The following PID1 variants were observed in gnomAD, a reference collection of about 807,000 sequenced individuals.
PID1 encodes the protein phosphotyrosine interaction domain containing 1.
Under a neutral mutation model 19.1 loss-of-function variants are expected in PID1, and 10 were observed. That is an observed-to-expected ratio of 0.52 (90% CI 0.32 to 0.89). The LOEUF (loss-of-function observed/expected upper bound fraction) is 0.89. Among genes scored for constraint, PID1 ranks in the 40% least tolerant of loss-of-function variants. The probability of loss-of-function intolerance (pLI) is 0.03; values close to 1 mark genes in which losing one functional copy is unlikely to be tolerated. For missense variants in PID1, 248 were observed against 285.3 expected, an observed-to-expected ratio of 0.87 and a Z score of 0.94; for synonymous variants, 130 against 116.0, an observed-to-expected ratio of 1.12 and a Z score of -0.78.
chr2:229,078,359 T>C (rs911100996), intron 2 of PID1, among the ~76,000 whole-genome samples: 8 of 152,216 alleles, frequency 5.3e-5, no homozygotes, highest in Admixed American at 2.6e-4. Flanking sequence ...ATAATGTGAC[T>C]TCTTCTCTTC....
intron 2 of PID1, among the ~76,000 whole-genome samples, chr2:229,126,848 C>T (rs1042927395): frequency 5.3e-5 from 8 of 152,228 alleles, no homozygotes; most frequent in African/African-American, 1.9e-4. Context: ...TTCTTTCACA[C>T]TTACCTCAAC....
intron 1 of PID1, among the ~76,000 whole-genome samples, chr2:229,174,325 C>T (rs1362256): frequency 0.36 from 54,116 of 151,896 alleles, 11,063 homozygotes; most frequent in Admixed American, 0.54. Context: ...GGACATTCCA[C>T]GGGTAGATGA....
intron 2 of PID1, among the ~76,000 whole-genome samples, chr2:229,046,379 T>TGTGTGTGTGTGC (rs1352720954): frequency 4.9e-5 from 7 of 144,168 alleles, no homozygotes; most frequent in African/African-American, 1.8e-4. Context: ...TGTGTGTGTG[T>TGTGTGTGTGTGC]GCGTGTGTGT....
chr2:229,234,648 G>A (rs1249500360), intron 1 of PID1, among the ~76,000 whole-genome samples: 1 of 152,158 alleles, frequency 6.6e-6, no homozygotes, highest in Non-Finnish European at 1.5e-5. Flanking sequence ...AGCAGTAAGG[G>A]AAACTAATGT....
chr2:229,043,010 T>TA (rs11452672), intron 2 of PID1, among the ~76,000 whole-genome samples: 1 of 47,836 alleles, frequency 2.1e-5, no homozygotes, highest in East Asian at 1.3e-3. Context: ...AAGGGAGAAA[T>TA]TTTTTTTTTT....
At chr2:229,161,928 T>C (rs1168078994) in intron 1 of PID1, among the ~76,000 whole-genome samples, 1 of 152,230 alleles carries the variant, frequency 6.6e-6, no homozygotes, top group Non-Finnish European at 1.5e-5. Flanking sequence ...GTACTTTGCA[T>C]GCACAGGCAA....
chr2:229,165,987 ACAG>A (rs2106205271), intron 1 of PID1, among the ~76,000 whole-genome samples: 1 of 152,344 alleles, frequency 6.6e-6, no homozygotes, highest in Admixed American at 6.5e-5. Context: ...ATTAGCAATG[ACAG>A]CAGATGTCCT....
At chr2:229,229,555 G>A (rs573828201) in intron 1 of PID1, among the ~76,000 whole-genome samples, 174 of 152,302 alleles carry the variant, frequency 1.1e-3, no homozygotes, top group Non-Finnish European at 1.8e-3. Context: ...AGGATCGCCT[G>A]AGCCCAGGAA....
At chr2:229,159,281 G>C (rs1354597862) in intron 1 of PID1, among the ~76,000 whole-genome samples, 1 of 152,266 alleles carries the variant, frequency 6.6e-6, no homozygotes, top group African/African-American at 2.4e-5. Context: ...TGGCCTCTCT[G>C]GTGGTCCATT....
At chr2:229,037,658 C>T (rs1372470455) in intron 2 of PID1, among the ~76,000 whole-genome samples, 1 of 152,180 alleles carries the variant, frequency 6.6e-6, no homozygotes, top group Non-Finnish European at 1.5e-5. Flanking sequence ...CATTGAAATA[C>T]ACATCCCCTC....
intron 1 of PID1, among the ~76,000 whole-genome samples, chr2:229,266,843 T>C (rs557226554): frequency 1.6e-4 from 25 of 152,372 alleles, no homozygotes; most frequent in Non-Finnish European, 3.4e-4. Context: ...GTTACTAGTA[T>C]CTTCCCATTC....
At chr2:229,076,458 C>T (rs371046217) in intron 2 of PID1, among the ~76,000 whole-genome samples, 6 of 152,014 alleles carry the variant, frequency 3.9e-5, no homozygotes, top group African/African-American at 1.4e-4. Flanking sequence ...TTTTGTTACA[C>T]AGGTATACAT....
At chr2:229,166,188 T>TGTG (rs2106205422) in intron 1 of PID1, among the ~76,000 whole-genome samples, 1 of 152,282 alleles carries the variant, frequency 6.6e-6, no homozygotes, top group South Asian at 2.1e-4. Flanking sequence ...ATAAAACAAT[T>TGTG]ATCCTGAGAA....
intron 1 of PID1, among the ~76,000 whole-genome samples, chr2:229,238,771 A>G (rs888328220): frequency 6.6e-6 from 1 of 152,098 alleles, no homozygotes; most frequent in Non-Finnish European, 1.5e-5. Flanking sequence ...CTCAGAGAGC[A>G]TTACCAAGTG....
chr2:229,255,982 A>AGT (rs1690284219), intron 1 of PID1, among the ~76,000 whole-genome samples: 1 of 152,218 alleles, frequency 6.6e-6, no homozygotes, highest in Non-Finnish European at 1.5e-5. Flanking sequence ...ATGGTGCTAA[A>AGT]CAAGTAAAAT....
chr2:229,036,890 T>G (rs1242922345), intron 2 of PID1, among the ~76,000 whole-genome samples: 2 of 152,248 alleles, frequency 1.3e-5, no homozygotes, highest in Admixed American at 1.3e-4. Flanking sequence ...TTAGCCAGGT[T>G]AACCTGCCTG....
intron 2 of PID1, among the ~76,000 whole-genome samples, chr2:229,149,771 C>T (rs1253289106): frequency 6.6e-6 from 1 of 152,128 alleles, no homozygotes; most frequent in African/African-American, 2.4e-5. Context: ...CAAGAGGAGA[C>T]AAGATTTGGG....
chr2:229,066,707 T>C (rs906016088), intron 2 of PID1, among the ~76,000 whole-genome samples: 4 of 151,784 alleles, frequency 2.6e-5, no homozygotes, highest in African/African-American at 9.7e-5. Flanking sequence ...TTTGAGGACA[T>C]AGCATACGCG....
At chr2:229,054,717 T>G (rs62193179) in intron 2 of PID1, among the ~76,000 whole-genome samples, 2 of 8,746 alleles carry the variant, frequency 2.3e-4, no homozygotes, top group East Asian at 6.0e-3. Flanking sequence ...TGTGTGTGTG[T>G]GTGGGGGGGG....
Sources: allele counts gnomAD v4.1 joint callset (sites outside exome capture counted in the v4.1 genomes callset), GRCh38; gene constraint gnomAD v4.1.1; transcripts MANE v1.5; gene names NCBI Gene and HGNC (gene_info 2026-07-23, HGNC 2026-07-21).